CLCA4: variants seen among roughly 807,000 people sequenced by gnomAD.
CLCA4 encodes the protein chloride channel accessory 4, also known as calcium-activated chloride channel regulator 4.
A neutral mutation model predicts 78.9 loss-of-function variants in CLCA4; 69 were observed. That is an observed-to-expected ratio of 0.87 (90% CI 0.72 to 1.07). The LOEUF is 1.07. Among genes scored for constraint, CLCA4 ranks in the 50% least tolerant of loss-of-function variants. CLCA4 has a pLI of 0.00. For missense variants in CLCA4, 1,133 were observed against 1,095.8 expected, an observed-to-expected ratio of 1.03 and a Z score of -0.48; for synonymous variants, 362 against 375.8, an observed-to-expected ratio of 0.96 and a Z score of 0.42.
At chr1:86,570,224 C>A (rs902696986) in intron 7 of CLCA4, among the ~76,000 whole-genome samples, 12 of 151,904 alleles carry the variant, frequency 7.9e-5, no homozygotes, top group African/African-American at 2.4e-4. Flanking sequence ...TCACTCCATG[C>A]CAAAGAAAGT....
rs1481720861 is a variant in CLCA4 at position 86,551,705 on chromosome 1, A to T, written c.159+4427A>T. ...CTGGGCTGACGGGAGGCCTTCAGGA[A>T]CACCGCCTGTCAGAAGGCACCACGG... On this transcript the variant is annotated intron_variant, in intron 1 of 13. Coordinates refer to ENST00000370563, the MANE Select transcript of CLCA4 (RefSeq NM_012128.4). Among the ~76,000 whole-genome samples the T allele has an allele frequency of 1.3e-5, 2 of 152,220 alleles. 1 individual carries two copies. Among genetic ancestry groups the T allele is most frequent in the African/African-American group, 4.8e-5 (2 of 41,450 alleles).
chr1:86,577,915 C>G lies in CLCA4; in HGVS notation c.1965C>G (p.Phe655Leu), dbSNP rs780198214. 3.7e-6 allele frequency: 6 copies of G among 1,609,752 alleles called. No homozygotes were observed. The highest frequency in any genetic ancestry group is 8.5e-7 in the Non-Finnish European group (1 of 1,178,288). ...TTCTATAACAAGGCGCTGATTCTTT[C>G]AAGAATGATGGAGTCTACTCCAGGT... The part of the protein sequence containing the change: ...LLDNGAGADS[F>L]KNDGVYSRYF... The change falls in exon 12 of 14, where the codon TTC (phenylalanine) becomes TTG (leucine). Residue 655 changes from phenylalanine (F) to leucine (L), a missense_variant. Phe to Leu is a conservative substitution (Grantham distance 22). Coordinates refer to ENST00000370563, the MANE Select transcript of CLCA4 (RefSeq NM_012128.4).
At chr1:86,579,263 G>A (rs2101821786) in intron 12 of CLCA4, 91 bp from the exon 13 acceptor site, 1 of 960,432 alleles carries the variant, frequency 1.0e-6, no homozygotes, top group Non-Finnish European at 1.6e-6. Flanking sequence ...TATTTTTTTA[G>A]AAGGAAAAGA....
In CLCA4 at chr1:86,567,641, A is replaced by G. The variant is rs752530058; in HGVS notation, c.1172A>G (p.Tyr391Cys). Residue 391 changes from tyrosine to cysteine, a missense_variant, in exon 7 of 14, where the codon TAT becomes TGT. Transcript: ENST00000370563. ...ACTTCCATCTGCTCTGGAATTAAAT[A>G]TGCATTTCAGGTGAAAATCGTACTG... is the stretch of plus-strand genomic sequence containing the variant. ...GGTSICSGIK[Y>C]AFQVIGELHS... 3.1e-6 allele frequency: 5 copies of G among 1,608,924 alleles called. No individual in the cohort carries two copies. Among genetic ancestry groups the G allele is most frequent in the Non-Finnish European group, 4.2e-6 (5 of 1,177,450 alleles).
Position 86,572,710 on chromosome 1 carries a change from A to T in CLCA4, c.1457A>T (p.Lys486Met). ...LTSGNTDLSQKSLQLESKGLT... is the reference protein window; with the variant it reads ...LTSGNTDLSQMSLQLESKGLT... ...TCAGGAAATACTGATCTCTCCCAGAAGTCCCTTCAGGTCAGAGTTCTCATT... is the reference window on the plus strand; with the variant it reads ...TCAGGAAATACTGATCTCTCCCAGATGTCCCTTCAGGTCAGAGTTCTCATT... The change falls in exon 9 of 14, where the codon AAG (lysine) becomes ATG (methionine). Residue 486 changes from lysine (K) to methionine (M), a missense_variant. Lys to Met is a moderately conservative substitution (Grantham distance 95). Coordinates refer to ENST00000370563, the MANE Select transcript of CLCA4 (RefSeq NM_012128.4). 1.9e-6 allele frequency: 3 copies of T among 1,580,938 alleles called. No homozygotes were observed. Among genetic ancestry groups the T allele is most frequent in the East Asian group, 4.5e-5 (2 of 44,626 alleles).
intron 1 of CLCA4, among the ~76,000 whole-genome samples, chr1:86,548,449 G>A (rs763765252): frequency 7.2e-5 from 11 of 151,956 alleles, no homozygotes; most frequent in Admixed American, 1.3e-4. Context: ...TTGGGAGGCC[G>A]AGGAGGGCAG....
At chr1:86,552,408 A>T (rs3820043) in intron 1 of CLCA4, among the ~76,000 whole-genome samples, 121,897 of 152,196 alleles carry the variant, frequency 0.8, 49,093 homozygotes, top group East Asian at 0.94. Flanking sequence ...CCAGGAGAAC[A>T]GCCATCTCTG....
chr1:86,580,120 T>G lies in CLCA4; in HGVS notation c.2535T>G (p.Ile845Met). ...ATGCAACCCACATATTTATTGCCAT[T>G]AAAAGTATAGATAAAAGCAATTTGA... Reference protein sequence around the residue: ...EENATHIFIAIKSIDKSNLTS... With the variant: ...EENATHIFIAMKSIDKSNLTS... Residue 845 changes from isoleucine (I) to methionine (M), a missense_variant, in exon 14 of 14, where the codon ATT becomes ATG. Coordinates refer to ENST00000370563, the MANE Select transcript of CLCA4 (RefSeq NM_012128.4). 1 of 1,612,808 alleles carries G rather than the reference T, an allele frequency of 6.2e-7. No homozygotes were observed. The highest frequency in any genetic ancestry group is 8.5e-7 in the Non-Finnish European group (1 of 1,179,318).
At chr1:86,574,499 C>T (rs1167936141) in intron 9 of CLCA4, 41 bp from the exon 10 acceptor site, 1 of 1,456,234 alleles carries the variant, frequency 6.9e-7, no homozygotes. Flanking sequence ...AATAAAATTA[C>T]TGTCTTCTGC....
chr1:86,568,946 A>G (rs926776245), intron 7 of CLCA4, among the ~76,000 whole-genome samples: 3 of 152,038 alleles, frequency 2.0e-5, no homozygotes, highest in African/African-American at 7.2e-5. Context: ...GACCCTAAAC[A>G]TGATTCTTAT....
rs771988515 is a variant in CLCA4, at chr1:86,560,042, CA to C, written c.274del (p.Arg92GlyfsTer13). The C allele has an allele frequency of 6.2e-7, 1 of 1,600,128 alleles. No homozygotes were observed. ...PENWKENPQY[K>X]RPKHENHKHA... ...AGAATTGGAAGGAAAATCCTCAGTA[CA>C]AAAGGCCAAAACATGAAAACCATAA... is the stretch of plus-strand genomic sequence containing the variant. On this transcript the variant is annotated frameshift_variant, in exon 2 of 14. Transcript: ENST00000370563. LOFTEE classifies it high-confidence loss of function.
At chr1:86,550,200 CT>C (rs1360970894) in intron 1 of CLCA4, among the ~76,000 whole-genome samples, 3 of 152,158 alleles carry the variant, frequency 2.0e-5, no homozygotes, top group Non-Finnish European at 4.4e-5. Context: ...GTCATTCACT[CT>C]CTATAAACTC....
At chr1:86,558,283 T>C (rs1228513871) in intron 1 of CLCA4, among the ~76,000 whole-genome samples, 1 of 152,170 alleles carries the variant, frequency 6.6e-6, no homozygotes, top group African/African-American at 2.4e-5. Flanking sequence ...CACTGGTCTG[T>C]GTGTCTGGCT....
At chr1:86,560,101 T>A (rs1485249592) in intron 2 of CLCA4, 29 bp downstream of exon 2, 1 of 1,559,544 alleles carries the variant, frequency 6.4e-7, no homozygotes. Flanking sequence ...TCTTAAAAAA[T>A]TATATTTTCT....
At chr1:86,554,600 GGGCATTTA>G (rs1413377275) in intron 1 of CLCA4, among the ~76,000 whole-genome samples, 1 of 152,112 alleles carries the variant, frequency 6.6e-6, no homozygotes, top group Non-Finnish European at 1.5e-5. Flanking sequence ...TGTTATTGAT[GGGCATTTA>G]GGTTGATTCC....
intron 11 of CLCA4, among the ~76,000 whole-genome samples, chr1:86,576,251 C>T (rs1456907827): frequency 6.6e-6 from 1 of 151,920 alleles, no homozygotes. Flanking sequence ...GATGCCTCTG[C>T]CTCCCAGGCT....
In CLCA4 at chr1:86,568,189, T is replaced by C. The variant is rs113691768; in HGVS notation, c.1182+538T>C. On this transcript the variant is annotated intron_variant, in intron 7 of 13. Transcript: ENST00000370563. Reference sequence around the variant, plus strand: ...CTGTATGTGCTACTTACTAACCAGGTAATCTTAGGCTAACCTTTCAGTCTC... The same window carrying C: ...CTGTATGTGCTACTTACTAACCAGGCAATCTTAGGCTAACCTTTCAGTCTC... Among the ~76,000 whole-genome samples the C allele has an allele frequency of 4.0e-3, 615 of 151,874 alleles. 5 individuals are homozygous for C. The highest frequency in any genetic ancestry group is 0.013 in the African/African-American group (524 of 41,486).
intron 6 of CLCA4, 70 bp from the exon 7 acceptor site, chr1:86,567,354 C>A: frequency 7.9e-7 from 1 of 1,261,632 alleles, no homozygotes; most frequent in African/African-American, 1.5e-5. Context: ...TCTGTCCATT[C>A]ATTTTATGTG....
At chr1:86,573,509 A>T (rs1570335410) in intron 9 of CLCA4, among the ~76,000 whole-genome samples, 2 of 151,360 alleles carry the variant, frequency 1.3e-5, no homozygotes, top group East Asian at 3.9e-4. Context: ...TCATCAGCTC[A>T]CTGCCTATAT....
Sources: allele counts gnomAD v4.1 joint callset (sites outside exome capture counted in the v4.1 genomes callset), GRCh38; gene constraint gnomAD v4.1.1; transcripts MANE v1.5; gene names NCBI Gene and HGNC (gene_info 2026-07-23, HGNC 2026-07-21).